The following ZNF585B variants were observed in gnomAD, a reference collection of about 807,000 sequenced individuals.
ZNF585B encodes zinc finger protein 41-like protein.
A neutral mutation model predicts 14.0 loss-of-function variants in ZNF585B; 7 were observed. The observed-to-expected ratio is 0.50, with a 90% CI of 0.28 to 0.94. ZNF585B has a LOEUF of 0.94. Ranked by LOEUF, ZNF585B falls within the 40% of genes least tolerant of loss-of-function variation. ZNF585B has a pLI of 0.09. For missense variants in ZNF585B, 750 were observed against 924.4 expected (o/e 0.81, Z 2.45); for synonymous variants, 290 against 317.3 (o/e 0.91, Z 0.91).
chr19:37,186,626 CCA>C lies in ZNF585B; in HGVS notation c.909_910del (p.Cys303TrpfsTer35). On this transcript the variant is annotated frameshift_variant, in exon 5 of 5. Transcript: ENST00000532828. LOFTEE classifies it low-confidence loss of function (END_TRUNC). The stretch of plus-strand genomic sequence containing the variant: ...TTGTGACTTGGAAATGAAGGATTTG[CCA>C]CAGTTATTGCATTCATATGGTTTTT... 2.5e-6 allele frequency: 4 copies of C among 1,614,210 alleles called. No homozygotes were observed. The highest frequency in any genetic ancestry group is 3.4e-6 in the Non-Finnish European group (4 of 1,180,034).
chr19:37,193,552 T>C (rs1599764921), intron 2 of ZNF585B, among the ~76,000 whole-genome samples: 1 of 148,942 alleles, frequency 6.7e-6, no homozygotes, highest in South Asian at 2.1e-4. Context: ...CCGAAGTGGG[T>C]GGATTGCTTG....
chr19:37,192,095 C>T (rs1375993098), intron 2 of ZNF585B, among the ~76,000 whole-genome samples: 1 of 152,088 alleles, frequency 6.6e-6, no homozygotes, highest in Non-Finnish European at 1.5e-5. Context: ...GAACAACCTG[C>T]CACACAGTGG....
chr19:37,198,004 A>G (rs1972487393), intron 2 of ZNF585B, among the ~76,000 whole-genome samples: 1 of 152,130 alleles, frequency 6.6e-6, no homozygotes, highest in South Asian at 2.1e-4. Flanking sequence ...TTCTGGTGCC[A>G]GGAATGTGTA....
chr19:37,189,671 G>C lies in ZNF585B; in HGVS notation c.282C>G (p.His94Gln). ...CCTCACTTCACTCACCTGGGCAGCT[G>C]TGACGTGGCCTCTCACCCTGCAGTG... Reference protein sequence around the residue: ...PWALQGERPRHSCPGEKLWDH... With the variant: ...PWALQGERPRQSCPGEKLWDH... Residue 94 changes from histidine to glutamine, a missense_variant, in exon 4 of 5, where the codon CAC (histidine) becomes CAG (glutamine). By Grantham distance (24) the His-to-Gln change is conservative. This residue lies in a region of ZNF585B where 517 missense variants were observed against 570.3 expected (regional missense o/e 0.91). Transcript: ENST00000532828. 6.2e-7 allele frequency: 1 copy of C among 1,613,080 alleles called. No individual in the cohort carries two copies. The highest frequency in any genetic ancestry group is 2.2e-5 in the East Asian group (1 of 44,874).
intron 2 of ZNF585B, among the ~76,000 whole-genome samples, chr19:37,197,141 C>G (rs1430803631): frequency 1.3e-5 from 2 of 151,988 alleles, no homozygotes; most frequent in Non-Finnish European, 2.9e-5. Flanking sequence ...GCCCCCCACC[C>G]CACAACAGGC....
chr19:37,189,910 G>A, intron 3 of ZNF585B, 114 bp downstream of exon 3: 1 of 1,561,132 alleles, frequency 6.4e-7, no homozygotes. Context: ...GAGAACCCTG[G>A]AGGAAAAAAG....
In ZNF585B at chr19:37,184,498, A is replaced by AAG. The variant is rs758954966; in HGVS notation, c.*727_*728dup. On this transcript the variant is annotated 3_prime_UTR_variant, in exon 5 of 5. Transcript: ENST00000532828. ...AAAGAAAGAAAGAAAGAAAGAAAGA[A>AAG]AGAAAGAGAAAGAAAGAAAGAAAAA... 9,566 of 86,266 alleles carry AAG rather than the reference A, an allele frequency of 0.11. 815 individuals are homozygous for AAG. Among genetic ancestry groups the AAG allele is most frequent in the African/African-American group, 0.17 (3,895 of 23,534 alleles). 5.3% of individuals were successfully genotyped at this position (86,266 alleles called of 1,614,324 possible).
At chr19:37,187,294 A>G (rs1209503648) in intron 4 of ZNF585B, 50 bp from the exon 5 acceptor site, 11 of 1,324,056 alleles carry the variant, frequency 8.3e-6, no homozygotes, top group Non-Finnish European at 1.1e-5. Context: ...TACCATAGTT[A>G]GTACTCTTCT....
chr19:37,197,502 G>A (rs567132257), intron 2 of ZNF585B, among the ~76,000 whole-genome samples: 202 of 152,186 alleles, frequency 1.3e-3, no homozygotes, highest in Non-Finnish European at 2.2e-3. Context: ...ACCCAGTAAC[G>A]GGATTGCTGG....
intron 2 of ZNF585B, chr19:37,198,901 A>T (rs937251019): frequency 1.6e-6 from 2 of 1,217,180 alleles, no homozygotes; most frequent in Non-Finnish European, 1.1e-6. Flanking sequence ...AGATATTTAT[A>T]ATTTTTAATA....
At chr19:37,194,232 T>C (rs1460429390) in intron 2 of ZNF585B, among the ~76,000 whole-genome samples, 2 of 152,238 alleles carry the variant, frequency 1.3e-5, no homozygotes, top group Admixed American at 1.3e-4. Context: ...ATAACATGTT[T>C]TTGAAAAATA....
intron 2 of ZNF585B, among the ~76,000 whole-genome samples, chr19:37,196,938 C>G (rs1393412906): frequency 6.6e-6 from 1 of 152,130 alleles, no homozygotes; most frequent in African/African-American, 2.4e-5. Context: ...AAGCCTGCAT[C>G]GTTTGAAGGA....
At chr19:37,193,687 G>A (rs1287320069) in intron 2 of ZNF585B, among the ~76,000 whole-genome samples, 6 of 152,036 alleles carry the variant, frequency 3.9e-5, no homozygotes, top group African/African-American at 7.2e-5. Flanking sequence ...GGCTGAGGTC[G>A]GAGGATCGAC....
chr19:37,201,866 G>A (rs1224601095), intron 2 of ZNF585B, among the ~76,000 whole-genome samples: 1 of 152,066 alleles, frequency 6.6e-6, no homozygotes, highest in Non-Finnish European at 1.5e-5. Context: ...GCTAGACTGT[G>A]TACCATTACT....
rs144540221 is a variant in ZNF585B, at chr19:37,186,104, C to G, written c.1433G>C (p.Arg478Pro). The stretch of plus-strand genomic sequence containing the variant: ...TTTCTGATGTGTAATGAGATTTGAC[C>G]GGTTGGTGAATGCCTTCCCACATTT... ...CNKCGKAFTN[R>P]SNLITHQKTH... Residue 478 changes from arginine (R) to proline (P), a missense_variant, in exon 5 of 5, where the codon CGG becomes CCG. Transcript: ENST00000532828. 6.2e-7 allele frequency: 1 copy of G among 1,613,754 alleles called. No homozygotes were observed. The highest frequency in any genetic ancestry group is 2.2e-5 in the East Asian group (1 of 44,856).
rs117195900 is a variant in ZNF585B at position 37,210,191 on chromosome 19, T to A, written c.-144+250A>T. ...CAACTCAGGTCAGAAAGCAAGCTGA[T>A]CACAGTCCTCACCGACCACCATAGC... On this transcript the variant is annotated intron_variant, in intron 1 of 4. Coordinates refer to ENST00000532828, the MANE Select transcript of ZNF585B (RefSeq NM_152279.4). Among the ~76,000 whole-genome samples, 966 of 152,146 alleles carry A rather than the reference T, an allele frequency of 6.3e-3. 28 individuals are homozygous for A. The highest frequency in any genetic ancestry group is 0.052 in the East Asian group (270 of 5,170).
intron 2 of ZNF585B, among the ~76,000 whole-genome samples, chr19:37,206,356 C>T (rs1156591123): frequency 6.6e-6 from 1 of 150,634 alleles, no homozygotes; most frequent in Admixed American, 6.7e-5. Context: ...GAGGCTGAGG[C>T]AGGAGAATCT....
At position 37,185,254 on chromosome 19, in the gene ZNF585B, G is replaced by A. The variant is rs186898006; in HGVS notation, c.2283C>T (p.Phe761=). The A allele has an allele frequency of 1.2e-6, 2 of 1,613,826 alleles. No individual in the cohort carries two copies. Among genetic ancestry groups the A allele is most frequent in the African/African-American group, 2.7e-5 (2 of 75,056 alleles). ...AAGCGTGGCTGCTCTGATGAACACTGAACACTGATTTCTGAACGAAGCCTT... is the reference window on the plus strand; with the variant it reads ...AAGCGTGGCTGCTCTGATGAACACTAAACACTGATTTCTGAACGAAGCCTT... ...CGKGFVQKSV[F]SVHQSSHA Residue 761 remains phenylalanine, a synonymous_variant, in exon 5 of 5, where the codon TTC becomes TTT. Coordinates refer to ENST00000532828, the MANE Select transcript of ZNF585B (RefSeq NM_152279.4).
intron 3 of ZNF585B, 116 bp downstream of exon 3, chr19:37,189,908 T>C: frequency 1.9e-6 from 3 of 1,561,640 alleles, no homozygotes; most frequent in Non-Finnish European, 2.6e-6. Flanking sequence ...CAGAGAACCC[T>C]GGAGGAAAAA....
Sources: gnomAD v4.1 joint callset for allele counts (sites outside exome capture counted in the v4.1 genomes callset) on GRCh38, gnomAD v4.1.1 for gene constraint, gnomAD v4.1.1 regional missense constraint, MANE v1.5 for transcripts, NCBI Gene and HGNC (gene_info 2026-07-23, HGNC 2026-07-21) for gene names.